GARS1: variants seen among roughly 807,000 people sequenced by gnomAD.
GARS1 encodes glycine--tRNA ligase.
GARS1 carries 46 observed loss-of-function variants against 86.4 expected under a neutral mutation model. The ratio of observed to expected loss-of-function variants is 0.53; its 90% CI spans 0.42 to 0.68. The LOEUF (loss-of-function observed/expected upper bound fraction) is 0.68, where lower values mean the gene tolerates loss of function less well. Ranked by LOEUF, GARS1 falls within the 30% of genes least tolerant of loss-of-function variation. The pLI is 0.00. For synonymous variants in GARS1, 342 were observed against 329.8 expected (o/e 1.04, Z -0.40); for missense variants, 797 against 915.6 (o/e 0.87, Z 1.67).
At chr7:30,595,786 A>G in intron 1 of GARS1, 1 of 471,118 alleles carries the variant, frequency 2.1e-6, no homozygotes. Context: ...TGAACTCATC[A>G]TCCTTTGCTC....
chr7:30,621,313 A>G, intron 10 of GARS1, 80 bp from the exon 11 acceptor site: 1 of 1,103,536 alleles, frequency 9.1e-7, no homozygotes. Flanking sequence ...TGAAAGGTTT[A>G]TAATCTGCAT....
At position 30,622,398 on chromosome 7, in the gene GARS1, G is replaced by A; in HGVS notation, c.1549G>A (p.Glu517Lys). Residue 517 changes from glutamate to lysine, a missense_variant, in exon 12 of 17, where the codon GAG becomes AAG. By Grantham distance (56) the Glu-to-Lys change is moderately conservative. Coordinates refer to ENST00000389266, the MANE Select transcript of GARS1 (RefSeq NM_002047.4). ...TAAGAAGGATGCAAAACTGGTGATG[G>A]AGTATCTTGCCATTTGTGATGAGTG... ...AYKKDAKLVM[E>K]YLAICDECYI... 1 of 1,614,102 alleles carries A rather than the reference G, an allele frequency of 6.2e-7. No individual in the cohort carries two copies. The highest frequency in any genetic ancestry group is 8.5e-7 in the Non-Finnish European group (1 of 1,179,992).
chr7:30,621,017 ACTTTGTGTAC>A (rs1259933489), intron 10 of GARS1, among the ~76,000 whole-genome samples: 2 of 151,608 alleles, frequency 1.3e-5, no homozygotes, highest in Non-Finnish European at 2.9e-5. Flanking sequence ...AAGGAAGACT[ACTTTGTGTAC>A]AGTGTGAATT....
At chr7:30,628,764 CAATT>C (rs759023845) in intron 14 of GARS1, 95 bp downstream of exon 14, 42 of 762,114 alleles carry the variant, frequency 5.5e-5, no homozygotes, top group Non-Finnish European at 9.5e-5. Flanking sequence ...CTAGAATGGT[CAATT>C]AGTTATTACT....
Position 30,632,283 on chromosome 7 carries a change from T to C in GARS1, c.1940T>C (p.Val647Ala), listed in dbSNP as rs1191900293. The change falls in exon 16 of 17, where the codon GTA becomes GCA. Residue 647 changes from valine to alanine, a missense_variant. Physicochemically the swap from Val to Ala is moderately conservative, Grantham distance 64. Around this residue, in one of 2 missense-constraint regions of GARS1, gnomAD observed 598 missense variants for 738.7 expected, o/e 0.81. Coordinates refer to ENST00000389266, the MANE Select transcript of GARS1 (RefSeq NM_002047.4). The surrounding 1 kb of genome is among the most constrained non-coding windows in gnomAD (Gnocchi z 4.1). ...ACCAGGCATGGAGTATCTCACAAAG[T>C]AGACGATTCCTCTGGGTCAATCGGA... Reference protein sequence around the residue: ...ALTRHGVSHKVDDSSGSIGRR... With the variant: ...ALTRHGVSHKADDSSGSIGRR... 1.2e-6 allele frequency: 2 copies of C among 1,614,212 alleles called. No homozygotes were observed. Among genetic ancestry groups the C allele is most frequent in the Non-Finnish European group, 1.7e-6 (2 of 1,180,038 alleles).
rs1230860408 is a variant in GARS1, at chr7:30,603,566, G to T, written c.729G>T (p.Leu243Phe). 2 of 1,612,830 alleles carry T rather than the reference G, an allele frequency of 1.2e-6. No homozygotes were observed. The highest frequency in any genetic ancestry group is 2.2e-5 in the South Asian group (2 of 91,046). The change falls in exon 6 of 17, where the codon TTG (leucine) becomes TTT (phenylalanine). Residue 243 changes from leucine (L) to phenylalanine (F), a missense_variant. Around this residue, in one of 2 missense-constraint regions of GARS1, gnomAD observed 598 missense variants for 738.7 expected, o/e 0.81. Coordinates refer to ENST00000389266, the MANE Select transcript of GARS1 (RefSeq NM_002047.4). ...AGAAATCAGAAATGGAAAGTGTTTTGGCCCAGGTGAGTACTCTAGAGATGT... is the reference window on the plus strand; with the variant it reads ...AGAAATCAGAAATGGAAAGTGTTTTTGCCCAGGTGAGTACTCTAGAGATGT... ...VEKKSEMESV[L>F]AQLDNYGQQE...
chr7:30,632,514 G>A lies in GARS1; in HGVS notation c.2094+77G>A. 6.9e-7 allele frequency: 1 copy of A among 1,454,126 alleles called. No homozygotes were observed. Among genetic ancestry groups the A allele is most frequent in the African/African-American group, 1.4e-5 (1 of 71,622 alleles). 90.1% of individuals were successfully genotyped at this position (1,454,126 alleles called of 1,614,324 possible). A position where few individuals can be genotyped will look rare whatever the true frequency, so the allele number is the denominator to read the frequency against. ...TTACTGATTTGTGTTGGATTTTGAT[G>A]TGTTTATGCTCCCTTTCCTTTTTTT... On this transcript the variant is annotated intron_variant, in intron 16 of 16. Coordinates refer to ENST00000389266, the MANE Select transcript of GARS1 (RefSeq NM_002047.4). This position sits in a 1 kb window ranked among gnomAD's most constrained non-coding sequence, Gnocchi z 4.1.
At chr7:30,612,936 C>T (rs932053070) in intron 8 of GARS1, among the ~76,000 whole-genome samples, 3 of 152,132 alleles carry the variant, frequency 2.0e-5, no homozygotes, top group Non-Finnish European at 2.9e-5. Flanking sequence ...GATTTCTATA[C>T]GTTATTCCTG....
chr7:30,625,838 A>G lies in GARS1; in HGVS notation c.1614-396A>G, dbSNP rs907090961. ...AGATGGCATGCTGGTTCATTTGTAC[A>G]TTTGTTGGGACAGTAATGAGAACCC... On this transcript the variant is annotated intron_variant, in intron 12 of 16. Coordinates refer to ENST00000389266, the MANE Select transcript of GARS1 (RefSeq NM_002047.4). 2.0e-5 allele frequency among the ~76,000 whole-genome samples: 3 copies of G among 152,346 alleles called. No individual in the cohort carries two copies. The East Asian group carries it at 5.8e-4, about 29-fold the overall frequency.
intron 12 of GARS1, among the ~76,000 whole-genome samples, chr7:30,624,152 A>G (rs1357072039): frequency 6.6e-6 from 1 of 151,688 alleles, no homozygotes; most frequent in Non-Finnish European, 1.5e-5. Context: ...GTGTTAGTGT[A>G]TTTTATGTGC....
intron 13 of GARS1, among the ~76,000 whole-genome samples, chr7:30,628,060 C>T (rs1017676266): frequency 6.6e-6 from 1 of 152,156 alleles, no homozygotes; most frequent in Non-Finnish European, 1.5e-5. Context: ...GCTTTCTCTT[C>T]AAAGGCATGT....
At position 30,602,686 on chromosome 7, in the gene GARS1, A is replaced by G. The variant is rs1584025762; in HGVS notation, c.570-348A>G. Among the ~76,000 whole-genome samples the G allele has an allele frequency of 9.2e-5, 14 of 152,330 alleles. No individual in the cohort carries two copies. The South Asian group carries it at 2.9e-3, about 32-fold the overall frequency. On this transcript the variant is annotated intron_variant, in intron 4 of 16. Coordinates refer to ENST00000389266, the MANE Select transcript of GARS1 (RefSeq NM_002047.4). Reference sequence around the variant, plus strand: ...TTCTTAACTAGTCAAATTCCCAGTGATTTTGGCCTTTGCTTAGATCACTAA... The same window carrying G: ...TTCTTAACTAGTCAAATTCCCAGTGGTTTTGGCCTTTGCTTAGATCACTAA...
intron 13 of GARS1, among the ~76,000 whole-genome samples, chr7:30,628,313 T>A (rs966750538): frequency 6.6e-6 from 1 of 151,938 alleles, no homozygotes; most frequent in African/African-American, 2.4e-5. Flanking sequence ...GCCTCCGGAG[T>A]AGCTGGGATT....
chr7:30,598,678 T>C, intron 1 of GARS1, 118 bp from the exon 2 acceptor site: 2 of 811,370 alleles, frequency 2.5e-6, no homozygotes, highest in South Asian at 2.9e-5. Flanking sequence ...GCCACCACGC[T>C]TGGCCTGAAT....
Position 30,612,263 on chromosome 7 carries a change from C to T in GARS1, c.1031+18C>T. On this transcript the variant is annotated intron_variant, in intron 8 of 16. Coordinates refer to ENST00000389266, the MANE Select transcript of GARS1 (RefSeq NM_002047.4). ...AGAGTCAGGTACTGCTCAGGTTACT[C>T]TTACAAATTAGTGAATGACCTTGGC... The T allele has an allele frequency of 1.2e-6, 2 of 1,611,926 alleles. No individual in the cohort carries two copies. Among genetic ancestry groups the T allele is most frequent in the Non-Finnish European group, 1.7e-6 (2 of 1,178,008 alleles).
Position 30,595,137 on chromosome 7 carries a change from C to A in GARS1, c.216C>A (p.Arg72=). 1 of 1,537,320 alleles carries A rather than the reference C, an allele frequency of 6.5e-7. No homozygotes were observed. Residue 72 remains arginine, a synonymous_variant, in exon 1 of 17, where the codon CGC becomes CGA. Coordinates refer to ENST00000389266, the MANE Select transcript of GARS1 (RefSeq NM_002047.4). Reference sequence around the variant, plus strand: ...TGGCACCTCTGAGGCTAGCAGTGCGCCAGCAGGTACCGGTGTTTTGCGCTC... The same window carrying A: ...TGGCACCTCTGAGGCTAGCAGTGCGACAGCAGGTACCGGTGTTTTGCGCTC... ...EVLAPLRLAV[R]QQGDLVRKLK...
intron 10 of GARS1, among the ~76,000 whole-genome samples, chr7:30,620,826 A>G (rs763830104): frequency 1.3e-5 from 2 of 152,230 alleles, no homozygotes; most frequent in Non-Finnish European, 2.9e-5. Flanking sequence ...TCAAGTTGTG[A>G]GAACACTAGG....
At chr7:30,618,983 T>C (rs1359152491) in intron 10 of GARS1, among the ~76,000 whole-genome samples, 1 of 152,204 alleles carries the variant, frequency 6.6e-6, no homozygotes, top group East Asian at 1.9e-4. Flanking sequence ...AAAATGTTTT[T>C]CCTTTTGTAT....
Position 30,629,903 on chromosome 7 carries a change from A to G in GARS1, c.1809+1234A>G, listed in dbSNP as rs139299182. On this transcript the variant is annotated intron_variant, in intron 14 of 16. Coordinates refer to ENST00000389266, the MANE Select transcript of GARS1 (RefSeq NM_002047.4). ...AGCTTTGTCTGCTTATTTTTCTAAT[A>G]AAAAGGTTTTAGAAAATCTTTTAGC... 1.1e-4 allele frequency among the ~76,000 whole-genome samples: 16 copies of G among 152,366 alleles called. 1 individual carries two copies. The East Asian group carries it at 3.1e-3, about 29-fold the overall frequency.
Sources: gnomAD v4.1 joint callset for allele counts (sites outside exome capture counted in the v4.1 genomes callset) on GRCh38, gnomAD v4.1.1 for gene constraint, gnomAD v4.1.1 regional missense constraint, Gnocchi (gnomAD v3.1) non-coding constraint, MANE v1.5 for transcripts, NCBI Gene and HGNC (gene_info 2026-07-23, HGNC 2026-07-21) for gene names.